Variants in OSBPL8 observed in about 807,000 individuals in gnomAD.
OSBPL8 encodes the protein oxysterol binding protein like 8.
A neutral mutation model predicts 125.5 loss-of-function variants in OSBPL8; 59 were observed. That is an observed-to-expected ratio of 0.47 (90% CI 0.38 to 0.58). The LOEUF (loss-of-function observed/expected upper bound fraction) is 0.58. Ranked by LOEUF, OSBPL8 falls within the 20% of genes least tolerant of loss-of-function variation. The pLI is 0.00. For missense variants in OSBPL8, 758 were observed against 1,047.8 expected (o/e 0.72, Z 3.82); for synonymous variants, 330 against 338.9 (o/e 0.97, Z 0.29).
intron 2 of OSBPL8, among the ~76,000 whole-genome samples, chr12:76,484,161 ATCAC>A (rs1036049986): frequency 6.6e-6 from 1 of 152,162 alleles, no homozygotes; most frequent in African/African-American, 2.4e-5. Flanking sequence ...TCCTCTAAAC[ATCAC>A]TCACTTCCTT....
chr12:76,448,404 T>C (rs1336700970), intron 4 of OSBPL8, among the ~76,000 whole-genome samples: 1 of 152,150 alleles, frequency 6.6e-6, no homozygotes, highest in Non-Finnish European at 1.5e-5. Context: ...CACAGATACA[T>C]GCATCAGAGA....
chr12:76,440,208 C>T (rs1252505247), intron 4 of OSBPL8, among the ~76,000 whole-genome samples: 1 of 152,132 alleles, frequency 6.6e-6, no homozygotes, highest in Non-Finnish European at 1.5e-5. Context: ...CATTCTGCAA[C>T]TGATAGTTCC....
intron 2 of OSBPL8, among the ~76,000 whole-genome samples, chr12:76,465,458 G>T (rs2136871832): frequency 6.6e-6 from 1 of 152,218 alleles, no homozygotes; most frequent in East Asian, 1.9e-4. Flanking sequence ...TACTCAGGAG[G>T]CTTAGGCAGG....
chr12:76,367,229 G>GTGTGTGT (rs1565829100), intron 21 of OSBPL8, among the ~76,000 whole-genome samples: 1 of 147,168 alleles, frequency 6.8e-6, no homozygotes. Flanking sequence ...TTTGTTGATT[G>GTGTGTGT]GTGTGTGTGT....
intron 4 of OSBPL8, among the ~76,000 whole-genome samples, chr12:76,437,595 T>G (rs529605508): frequency 2.0e-4 from 31 of 152,338 alleles, no homozygotes; most frequent in African/African-American, 7.2e-4. Flanking sequence ...CACCCTTGCC[T>G]GGTTCTGCTT....
Position 76,422,429 on chromosome 12 carries a change from C to T in OSBPL8, c.218-11795G>A, listed in dbSNP as rs77204365. Reference sequence around the variant, plus strand: ...CAGAATTGTTTTATTTAAATGAAAGCGGCTTTAAAATGTTAAAATGCCTGG... The same window carrying T: ...CAGAATTGTTTTATTTAAATGAAAGTGGCTTTAAAATGTTAAAATGCCTGG... On this transcript the variant is annotated intron_variant, in intron 4 of 23. Transcript: ENST00000261183. 4.7e-3 allele frequency: 1,974 copies of T among 416,624 alleles called. 46 individuals are homozygous for T. Among genetic ancestry groups the T allele is most frequent in the African/African-American group, 0.038 (1,813 of 48,180 alleles). 25.8% of individuals were successfully genotyped at this position (416,624 alleles called of 1,614,324 possible).
chr12:76,362,394 A>T (rs966105381), intron 21 of OSBPL8, among the ~76,000 whole-genome samples: 2 of 152,170 alleles, frequency 1.3e-5, no homozygotes, highest in Non-Finnish European at 2.9e-5. Flanking sequence ...AAATCAATAA[A>T]CGTAATCCAT....
At chr12:76,383,453 G>A (rs1269637097) in intron 15 of OSBPL8, among the ~76,000 whole-genome samples, 1 of 150,474 alleles carries the variant, frequency 6.6e-6, no homozygotes, top group East Asian at 1.9e-4. Flanking sequence ...AAGACACCTT[G>A]AAGAAATATA....
intron 6 of OSBPL8, among the ~76,000 whole-genome samples, chr12:76,400,620 C>T (rs1954013436): frequency 6.6e-6 from 1 of 151,782 alleles, no homozygotes. Context: ...TTTAGAATTT[C>T]ATACTATAAT....
At chr12:76,441,790 T>G (rs1592688803) in intron 4 of OSBPL8, among the ~76,000 whole-genome samples, 1 of 148,968 alleles carries the variant, frequency 6.7e-6, no homozygotes, top group Admixed American at 6.7e-5. Flanking sequence ...CTGGGAAGAG[T>G]AGTGAGAGGG....
intron 2 of OSBPL8, among the ~76,000 whole-genome samples, chr12:76,466,584 G>A (rs942489773): frequency 5.3e-5 from 8 of 152,170 alleles, no homozygotes; most frequent in Non-Finnish European, 1.2e-4. Context: ...AAATTAAGCG[G>A]TGCAATAATC....
chr12:76,491,878 A>C (rs1387826943), intron 1 of OSBPL8, among the ~76,000 whole-genome samples: 1 of 152,186 alleles, frequency 6.6e-6, no homozygotes, highest in African/African-American at 2.4e-5. Flanking sequence ...AAATAACAAA[A>C]TATCATAAGC....
chr12:76,408,102 T>C (rs571974579), intron 5 of OSBPL8, among the ~76,000 whole-genome samples: 4 of 125,604 alleles, frequency 3.2e-5, no homozygotes, highest in South Asian at 5.1e-4. Flanking sequence ...AGCCCAGGAG[T>C]TCGAATCCAG....
intron 1 of OSBPL8, among the ~76,000 whole-genome samples, chr12:76,500,162 T>C (rs1407056912): frequency 6.6e-6 from 1 of 152,260 alleles, no homozygotes; most frequent in Non-Finnish European, 1.5e-5. Flanking sequence ...AATCTTGCCT[T>C]GGCATTGGAG....
chr12:76,371,281 T>C lies in OSBPL8; in HGVS notation c.2054+167A>G, dbSNP rs138608846. 379 of 648,396 alleles carry C rather than the reference T, an allele frequency of 5.8e-4. 1 individual carries two copies. In the African/African-American group the frequency reaches 6.4e-3, roughly 11 times the overall value. 40.2% of individuals were successfully genotyped at this position (648,396 alleles called of 1,614,324 possible). ...CAGAAAAGCAAGACGATTTATATTA[T>C]ATTTGACATTCATATACACAAAAAC... On this transcript the variant is annotated intron_variant, in intron 19 of 23. Transcript: ENST00000261183.
chr12:76,464,535 T>C (rs1391357701), intron 2 of OSBPL8, among the ~76,000 whole-genome samples: 2 of 152,230 alleles, frequency 1.3e-5, no homozygotes, highest in Admixed American at 1.3e-4. Flanking sequence ...AAAAGTGATT[T>C]TATTTTATTG....
intron 1 of OSBPL8, among the ~76,000 whole-genome samples, chr12:76,552,325 C>G (rs149185060): frequency 1.3e-3 from 191 of 147,256 alleles, no homozygotes; most frequent in African/African-American, 4.7e-3. Flanking sequence ...ACTCGGAAGG[C>G]TAAGGCACAA....
chr12:76,544,737 C>T (rs1592893372), intron 1 of OSBPL8, among the ~76,000 whole-genome samples: 1 of 151,966 alleles, frequency 6.6e-6, no homozygotes, highest in South Asian at 2.1e-4. Flanking sequence ...GTATGTTATA[C>T]TAAAAGAACT....
intron 4 of OSBPL8, among the ~76,000 whole-genome samples, chr12:76,420,240 C>G (rs2136486650): frequency 6.6e-6 from 1 of 151,770 alleles, no homozygotes; most frequent in Middle Eastern, 3.4e-3. Context: ...AGCCAAGAGC[C>G]AAGAAAAAAA....
Sources: gnomAD v4.1 joint callset for allele counts (sites outside exome capture counted in the v4.1 genomes callset) on GRCh38, gnomAD v4.1.1 for gene constraint, MANE v1.5 for transcripts, NCBI Gene and HGNC (gene_info 2026-07-23, HGNC 2026-07-21) for gene names.